Variants in MKRN2 observed in about 807,000 individuals in gnomAD.
MKRN2 encodes the protein E3 ubiquitin-protein ligase makorin-2.
In MKRN2, 32 loss-of-function variants were observed where a neutral mutation model predicts 45.4. The ratio of observed to expected loss-of-function variants is 0.70; its 90% CI spans 0.53 to 0.95. MKRN2 has a LOEUF of 0.95. Among genes scored for constraint, MKRN2 ranks in the 40% least tolerant of loss-of-function variants. The pLI is 0.00. For synonymous variants in MKRN2, 206 were observed against 192.4 expected (o/e 1.07, Z -0.59); for missense variants, 526 against 536.7 (o/e 0.98, Z 0.20).
chr3:12,569,203 C>T (rs1444751462), intron 2 of MKRN2, among the ~76,000 whole-genome samples, 200 bp downstream of exon 2: 1 of 151,576 alleles, frequency 6.6e-6, no homozygotes, highest in South Asian at 2.1e-4. Context: ...TCACTGTTGC[C>T]CAGGCTGGAG....
chr3:12,572,296 CACG>C lies in MKRN2; in HGVS notation c.566_568del (p.His189_Gly190delinsArg). 6.2e-7 allele frequency: 1 copy of C among 1,613,116 alleles called. No homozygotes were observed. The highest frequency in any genetic ancestry group is 8.5e-7 in the Non-Finnish European group (1 of 1,179,228). ...GTTTGGGGATGCCTGTGTCTACCTG[CACG>C]GGGAGGTGTGTGAAATCTGTAGGCT... On this transcript the variant is annotated inframe_deletion, in exon 4 of 8. Transcript: ENST00000170447.
Position 12,581,867 on chromosome 3 carries a change from GTCTTT to G in MKRN2, c.1029_1033del (p.Cys343Ter). The stretch of plus-strand genomic sequence containing the variant: ...GGGACCTGCCCATTTGGAAGCAAAT[GTCTTT>G]ATCGCCATGCTTACCCCGATGGGCG... On this transcript the variant is annotated stop_gained and frameshift_variant, in exon 7 of 8. Transcript: ENST00000170447. LOFTEE classifies it high-confidence loss of function. The G allele has an allele frequency of 6.2e-7, 1 of 1,614,182 alleles. No individual in the cohort carries two copies. Among genetic ancestry groups the G allele is most frequent in the Non-Finnish European group, 8.5e-7 (1 of 1,180,034 alleles).
At chr3:12,574,709 C>T in intron 4 of MKRN2, 83 bp from the exon 5 acceptor site, 3 of 1,243,424 alleles carry the variant, frequency 2.4e-6, no homozygotes, top group South Asian at 1.3e-5. Flanking sequence ...TCAGCTGTGG[C>T]AGTGTGGCTG....
chr3:12,560,960 A>G (rs1029981827), intron 1 of MKRN2: 3 of 152,218 alleles, frequency 2.0e-5, no homozygotes, highest in African/African-American at 4.8e-5. Context: ...GAGTGACTAT[A>G]AGCACATGAC....
chr3:12,570,016 G>C, intron 2 of MKRN2, 55 bp from the exon 3 acceptor site: 1 of 1,494,470 alleles, frequency 6.7e-7, no homozygotes, highest in Non-Finnish European at 9.0e-7. Flanking sequence ...TGGGGAGTGT[G>C]GGAGATGTGT....
intron 3 of MKRN2, 98 bp from the exon 4 acceptor site, chr3:12,571,971 C>T (rs1351459724): frequency 6.6e-6 from 8 of 1,217,806 alleles, no homozygotes; most frequent in Non-Finnish European, 8.8e-6. Flanking sequence ...GAGTGGAATT[C>T]TTAGGTCAGA....
chr3:12,557,727 C>T (rs1331959748), intron 1 of MKRN2, among the ~76,000 whole-genome samples: 1 of 152,222 alleles, frequency 6.6e-6, no homozygotes, highest in Non-Finnish European at 1.5e-5. Flanking sequence ...CTGCATATTT[C>T]CAAGTCCTTT....
intron 6 of MKRN2, 36 bp from the exon 7 acceptor site, chr3:12,581,772 C>T (rs1559393274): frequency 1.2e-6 from 2 of 1,610,388 alleles, no homozygotes; most frequent in South Asian, 1.1e-5. Flanking sequence ...CCTCATTTTC[C>T]CACCAGCCTC....
chr3:12,568,438 G>A (rs2633442), intron 1 of MKRN2, among the ~76,000 whole-genome samples: 65,393 of 152,090 alleles, frequency 0.43, 14,773 homozygotes, highest in African/African-American at 0.53. Flanking sequence ...TATAGGGAAA[G>A]GTAGCAAGGC....
chr3:12,576,945 T>TTTTTTTTTTTG (rs1559391646), intron 6 of MKRN2: 2 of 267,412 alleles, frequency 7.5e-6, no homozygotes, highest in East Asian at 7.3e-5. Context: ...TTTTTTTTTT[T>TTTTTTTTTTTG]TTTTTTTTTT....
At position 12,557,109 on chromosome 3, in the gene MKRN2, C is replaced by A. The variant is rs774419189; in HGVS notation, c.-42C>A. 36 of 1,484,790 alleles carry A rather than the reference C, an allele frequency of 2.4e-5. No individual in the cohort carries two copies. The Admixed American group carries it at 7.7e-4, about 32-fold the overall frequency. The allele number at this position is 1,484,790 out of a possible 1,614,324, so 92.0% of individuals were successfully genotyped here. A position where few individuals can be genotyped will look rare whatever the true frequency, so the allele number is the denominator to read the frequency against. On this transcript the variant is annotated 5_prime_UTR_variant, in exon 1 of 8. Coordinates refer to ENST00000170447, the MANE Select transcript of MKRN2 (RefSeq NM_014160.5). ...GCCAAGGCCGAGGCGGCAGCGGCTG[C>A]GAGAGGCGGCGGCACGACGACGGTC...
intron 2 of MKRN2, 118 bp downstream of exon 2, chr3:12,569,121 A>G: frequency 7.7e-7 from 1 of 1,294,312 alleles, no homozygotes; most frequent in Non-Finnish European, 1.0e-6. Flanking sequence ...AGTATGGCAA[A>G]TAAGTTTAAA....
At chr3:12,559,009 G>A (rs2058011303) in intron 1 of MKRN2, among the ~76,000 whole-genome samples, 1 of 152,208 alleles carries the variant, frequency 6.6e-6, no homozygotes, top group Non-Finnish European at 1.5e-5. Context: ...CTCATAGACT[G>A]TAGGGCCTCC....
At chr3:12,557,287 T>G in intron 1 of MKRN2, 111 bp downstream of exon 1, 1 of 1,397,640 alleles carries the variant, frequency 7.2e-7, no homozygotes, top group Non-Finnish European at 9.5e-7. Flanking sequence ...ACTCGGAAAG[T>G]TACTCGGCTG....
At chr3:12,578,550 C>G (rs2058157223) in intron 6 of MKRN2, among the ~76,000 whole-genome samples, 2 of 152,072 alleles carry the variant, frequency 1.3e-5, no homozygotes. Context: ...CTCCTGAGCT[C>G]AGGCAATCCA....
rs1254384201 is a variant in MKRN2, at chr3:12,576,398, A to C, written c.858-233A>C. Among the ~76,000 whole-genome samples the C allele has an allele frequency of 3.9e-5, 6 of 152,018 alleles. No homozygotes were observed. The South Asian group carries it at 1.2e-3, about 32-fold the overall frequency. ...ATGTTCTCCCTCCCCTTGCCCCTGC[A>C]CCGACAGGCCCCGGTGTGTGATGTT... On this transcript the variant is annotated intron_variant, in intron 5 of 7. Coordinates refer to ENST00000170447, the MANE Select transcript of MKRN2 (RefSeq NM_014160.5).
intron 6 of MKRN2, among the ~76,000 whole-genome samples, chr3:12,578,858 ATTTTTTTTTTT>A (rs374121518): frequency 0.18 from 23,055 of 125,344 alleles, 2,117 homozygotes; most frequent in African/African-American, 0.27. Flanking sequence ...CTAAAGCTTG[ATTTTTTTTTTT>A]TTTTTTTTTT....
intron 1 of MKRN2, among the ~76,000 whole-genome samples, chr3:12,563,434 C>T (rs987499912): frequency 6.6e-6 from 1 of 150,564 alleles, no homozygotes; most frequent in Non-Finnish European, 1.5e-5. Flanking sequence ...CTGGGCCTCT[C>T]GGGCCTCCCT....
At chr3:12,578,858 ATTTTT>A (rs374121518) in intron 6 of MKRN2, among the ~76,000 whole-genome samples, 4 of 125,228 alleles carry the variant, frequency 3.2e-5, no homozygotes, top group Admixed American at 2.6e-4. Flanking sequence ...CTAAAGCTTG[ATTTTT>A]TTTTTTTTTT....
Sources: allele counts gnomAD v4.1 joint callset (sites outside exome capture counted in the v4.1 genomes callset), GRCh38; gene constraint gnomAD v4.1.1; transcripts MANE v1.5; gene names NCBI Gene and HGNC (gene_info 2026-07-23, HGNC 2026-07-21).